PAPOLG: variants seen among roughly 807,000 people sequenced by gnomAD.
PAPOLG encodes the protein PAP-gamma.
PAPOLG carries 40 observed loss-of-function variants against 99.0 expected under a neutral mutation model. The ratio of observed to expected loss-of-function variants is 0.40; its 90% CI spans 0.31 to 0.53. PAPOLG has a LOEUF of 0.53. Among genes scored for constraint, PAPOLG ranks in the 20% least tolerant of loss-of-function variants. PAPOLG has a pLI of 0.41. For missense variants in PAPOLG, 675 were observed against 884.1 expected, an observed-to-expected ratio of 0.76 and a Z score of 3.00; for synonymous variants, 310 against 299.3, an observed-to-expected ratio of 1.04 and a Z score of -0.37.
At chr2:60,761,607 T>G (rs1415808343) in intron 2 of PAPOLG, 134 bp from the exon 3 acceptor site, 8 of 685,512 alleles carry the variant, frequency 1.2e-5, no homozygotes, top group Non-Finnish European at 2.0e-5. Context: ...TGTCAGTAGA[T>G]GTGATAGCAT....
intron 13 of PAPOLG, 21 bp from the exon 14 acceptor site, chr2:60,786,926 T>C: frequency 1.3e-6 from 2 of 1,598,620 alleles, no homozygotes; most frequent in Non-Finnish European, 1.7e-6. Context: ...TAAGATAAAT[T>C]GTGTTTGTTG....
In PAPOLG at chr2:60,770,328, G is replaced by A. The variant is rs114563727; in HGVS notation, c.439-130G>A. 901 of 642,614 alleles carry A rather than the reference G, an allele frequency of 1.4e-3. 2 individuals are homozygous for A. Among genetic ancestry groups the A allele is most frequent in the African/African-American group, 8.9e-3 (470 of 52,800 alleles). The allele number at this position is 642,614 out of a possible 1,614,324, so 39.8% of individuals were successfully genotyped here. A position where few individuals can be genotyped will look rare whatever the true frequency, so the allele number is the denominator to read the frequency against. On this transcript the variant is annotated intron_variant, in intron 5 of 21. Coordinates refer to ENST00000238714, the MANE Select transcript of PAPOLG (RefSeq NM_022894.4). ...TATTCACATTATTGGTAGTTAGAAA[G>A]GATAAAGAAGGGATTACTTCTATGT... is the stretch of plus-strand genomic sequence containing the variant.
intron 9 of PAPOLG, among the ~76,000 whole-genome samples, 193 bp downstream of exon 9, chr2:60,779,968 GT>G (rs1671139689): frequency 6.6e-6 from 1 of 152,204 alleles, no homozygotes; most frequent in Admixed American, 6.5e-5. Flanking sequence ...ATTTGTAAAT[GT>G]GGGCCTTTAG....
rs1656716993 is a variant in PAPOLG, at chr2:60,771,553, C to T, written c.527C>T (p.Thr176Ile). 6.2e-7 allele frequency: 1 copy of T among 1,605,480 alleles called. No homozygotes were observed. The highest frequency in any genetic ancestry group is 1.7e-5 in the Admixed American group (1 of 57,518). Residue 176 changes from threonine to isoleucine, a missense_variant, in exon 7 of 22, where the codon ACC becomes ATC. Thr to Ile is a moderately conservative substitution (Grantham distance 89). This residue lies in a region of PAPOLG where 113 missense variants were observed against 231.5 expected (regional missense o/e 0.49). Coordinates refer to ENST00000238714, the MANE Select transcript of PAPOLG (RefSeq NM_022894.4). ...GTCTTTGCAAGACTGGCAATACAAA[C>T]CATATCAGATAATTTAGATCTAAGA... ...DLVFARLAIQTISDNLDLRDD... is the reference protein window; with the variant it reads ...DLVFARLAIQIISDNLDLRDD...
chr2:60,797,172 C>T lies in PAPOLG; in HGVS notation c.*12C>T. ...CCCTTAATCGGTAAAAGCAGTGCCTCCTCACTTAAGTGAACAAGCAATCAT... is the reference window on the plus strand; with the variant it reads ...CCCTTAATCGGTAAAAGCAGTGCCTTCTCACTTAAGTGAACAAGCAATCAT... On this transcript the variant is annotated 3_prime_UTR_variant, in exon 22 of 22. Coordinates refer to ENST00000238714, the MANE Select transcript of PAPOLG (RefSeq NM_022894.4). 1.2e-6 allele frequency: 2 copies of T among 1,613,658 alleles called. No individual in the cohort carries two copies. The highest frequency in any genetic ancestry group is 1.7e-6 in the Non-Finnish European group (2 of 1,179,642).
At chr2:60,773,441 T>A (rs1341830919) in intron 7 of PAPOLG, among the ~76,000 whole-genome samples, 1 of 152,152 alleles carries the variant, frequency 6.6e-6, no homozygotes, top group East Asian at 1.9e-4. Flanking sequence ...TTTGGCATGT[T>A]TGTGAGGTTT....
chr2:60,779,584 A>C, intron 8 of PAPOLG, 53 bp from the exon 9 acceptor site: 1 of 1,529,466 alleles, frequency 6.5e-7, no homozygotes, highest in East Asian at 2.3e-5. Flanking sequence ...AAAAAAAAGA[A>C]TGTCACAGAT....
chr2:60,778,770 A>G (rs1171687929), intron 8 of PAPOLG, among the ~76,000 whole-genome samples: 1 of 152,240 alleles, frequency 6.6e-6, no homozygotes, highest in Non-Finnish European at 1.5e-5. Flanking sequence ...TAAAATTTGC[A>G]CTGAAGGGAT....
At chr2:60,762,545 T>C (rs1388483851) in intron 3 of PAPOLG, among the ~76,000 whole-genome samples, 1 of 152,194 alleles carries the variant, frequency 6.6e-6, no homozygotes, top group Non-Finnish European at 1.5e-5. Flanking sequence ...CAGTCATTTC[T>C]AGATTACTTA....
intron 3 of PAPOLG, among the ~76,000 whole-genome samples, chr2:60,767,615 A>G (rs1004689596): frequency 6.6e-6 from 1 of 152,124 alleles, no homozygotes; most frequent in Non-Finnish European, 1.5e-5. Flanking sequence ...CATTTTAATT[A>G]CATTATAATC....
Position 60,762,159 on chromosome 2 carries a change from G to T in PAPOLG, c.246+352G>T, listed in dbSNP as rs574500076. Among the ~76,000 whole-genome samples, 21 of 152,282 alleles carry T rather than the reference G, an allele frequency of 1.4e-4. No homozygotes were observed. The East Asian group carries it at 4.0e-3, about 29-fold the overall frequency. ...GCACAGCAGGAAGAGGCTTGAAGGG[G>T]ATTGGGCTCCTGTCTTCCATTGCCT... On this transcript the variant is annotated intron_variant, in intron 3 of 21. Transcript: ENST00000238714.
intron 1 of PAPOLG, 35 bp downstream of exon 1, chr2:60,756,530 G>T (rs1170386744): frequency 5.7e-6 from 9 of 1,577,934 alleles, no homozygotes; most frequent in Non-Finnish European, 7.7e-6. Context: ...GGGTGAGGCG[G>T]GTAGGGGTGA....
intron 21 of PAPOLG, among the ~76,000 whole-genome samples, chr2:60,796,644 T>C (rs1270383094): frequency 6.6e-6 from 1 of 152,132 alleles, no homozygotes; most frequent in Non-Finnish European, 1.5e-5. Flanking sequence ...CTCTCAGATA[T>C]TAAATTTTTC....
intron 13 of PAPOLG, 24 bp downstream of exon 13, chr2:60,783,233 C>G (rs372707667): frequency 1.4e-6 from 2 of 1,461,338 alleles, no homozygotes; most frequent in African/African-American, 1.4e-5. Context: ...TTCAAGTTTT[C>G]TACCTACTGT....
chr2:60,776,347 C>A (rs1434309762), intron 8 of PAPOLG, among the ~76,000 whole-genome samples: 1 of 151,054 alleles, frequency 6.6e-6, no homozygotes, highest in Non-Finnish European at 1.5e-5. Flanking sequence ...GTTTGTACAG[C>A]ACAGACAGTA....
chr2:60,778,513 G>A (rs1328185744), intron 8 of PAPOLG, among the ~76,000 whole-genome samples: 4 of 151,904 alleles, frequency 2.6e-5, no homozygotes, highest in Non-Finnish European at 5.9e-5. Flanking sequence ...TCGGGGTGCT[G>A]AAAACATTCT....
At position 60,756,379 on chromosome 2, in the gene PAPOLG, C is replaced by G. The variant is rs932083307; in HGVS notation, c.-100C>G. ...GTGGGAAAGTGAGCGAGCAAGCGAGCTACTAGCGACCGGAGGAAAGTGAAC... is the reference window on the plus strand; with the variant it reads ...GTGGGAAAGTGAGCGAGCAAGCGAGGTACTAGCGACCGGAGGAAAGTGAAC... On this transcript the variant is annotated 5_prime_UTR_variant, in exon 1 of 22. Coordinates refer to ENST00000238714, the MANE Select transcript of PAPOLG (RefSeq NM_022894.4). 2.0e-6 allele frequency: 3 copies of G among 1,494,326 alleles called. No individual in the cohort carries two copies. The highest frequency in any genetic ancestry group is 3.4e-5 in the Admixed American group (2 of 59,522). The allele number at this position is 1,494,326 out of a possible 1,614,324, so 92.6% of individuals were successfully genotyped here. A position where few individuals can be genotyped will look rare whatever the true frequency, so the allele number is the denominator to read the frequency against.
At chr2:60,796,284 CT>C (rs1558725109) in intron 21 of PAPOLG, among the ~76,000 whole-genome samples, 1 of 120,918 alleles carries the variant, frequency 8.3e-6, no homozygotes, top group Non-Finnish European at 1.6e-5. Context: ...ATGGCGCGAT[CT>C]TTTTGTATTT....
chr2:60,789,915 C>T (rs1671478837), intron 15 of PAPOLG, among the ~76,000 whole-genome samples: 1 of 152,090 alleles, frequency 6.6e-6, no homozygotes, highest in Non-Finnish European at 1.5e-5. Context: ...CATGGTGAAA[C>T]CCCACCCATC....
Sources: gnomAD v4.1 joint callset for allele counts (sites outside exome capture counted in the v4.1 genomes callset) on GRCh38, gnomAD v4.1.1 for gene constraint, gnomAD v4.1.1 regional missense constraint, MANE v1.5 for transcripts, NCBI Gene and HGNC (gene_info 2026-07-23, HGNC 2026-07-21) for gene names.